The following ABCA13 variants were observed in gnomAD, a reference collection of about 807,000 sequenced individuals.
ABCA13 encodes the protein ATP binding cassette subfamily A member 13, also known as ATP-binding cassette sub-family A member 13.
Under a neutral mutation model 478.7 loss-of-function variants are expected in ABCA13, and 476 were observed. The observed-to-expected ratio is 0.99, with a 90% confidence interval of 0.92 to 1.07. The LOEUF is 1.07. Among genes scored for constraint, ABCA13 ranks in the 50% least tolerant of loss-of-function variants. The probability of loss-of-function intolerance (pLI) is 0.00; values close to 1 mark genes in which losing one functional copy is unlikely to be tolerated. For missense variants in ABCA13, 6,060 were observed against 5,910.6 expected, an observed-to-expected ratio of 1.03 and a Z score of -0.83; for synonymous variants, 2,252 against 2,158.9, an observed-to-expected ratio of 1.04 and a Z score of -1.20.
intron 11 of ABCA13, 115 bp downstream of exon 11, chr7:48,244,818 G>A (rs1018437988): frequency 1.6e-6 from 2 of 1,260,678 alleles, no homozygotes; most frequent in African/African-American, 1.5e-5. Flanking sequence ...TAACTTTGCT[G>A]GTGTCATATG....
At position 48,397,234 on chromosome 7, in the gene ABCA13, T is replaced by A. The variant is rs553175166; in HGVS notation, c.11873+5095T>A. 2.0e-5 allele frequency among the ~76,000 whole-genome samples: 3 copies of A among 152,234 alleles called. No homozygotes were observed. In the South Asian group the frequency reaches 6.2e-4, roughly 32 times the overall value. On this transcript the variant is annotated intron_variant, in intron 38 of 61. Transcript: ENST00000435803. ...TGGAGGACATGAGAATACAGCATAT[T>A]GCTAGTTCCAGAGAAAATGGGGAAG... is the stretch of plus-strand genomic sequence containing the variant.
rs184644711 is a variant in ABCA13, at chr7:48,297,344, A to G, written c.9199+33A>G. The G allele has an allele frequency of 1.2e-5, 18 of 1,545,166 alleles. No homozygotes were observed. The East Asian group carries it at 4.2e-4, about 36-fold the overall frequency. On this transcript the variant is annotated intron_variant, in intron 22 of 61. Coordinates refer to ENST00000435803, the MANE Select transcript of ABCA13 (RefSeq NM_152701.5). ...TGTGGTTTTCCAAGTTTGCTTGATT[A>G]AAAATTAAATTTAGTTTCTCATGCA... is the stretch of plus-strand genomic sequence containing the variant.
chr7:48,536,177 C>T (rs1332482905), intron 55 of ABCA13, among the ~76,000 whole-genome samples: 1 of 152,142 alleles, frequency 6.6e-6, no homozygotes, highest in Non-Finnish European at 1.5e-5. Flanking sequence ...TCTAATTCTC[C>T]TTATTGCTTT....
chr7:48,338,081 A>AT (rs1422258105), intron 28 of ABCA13, among the ~76,000 whole-genome samples: 2 of 152,312 alleles, frequency 1.3e-5, no homozygotes, highest in East Asian at 3.9e-4. Flanking sequence ...TCGTTTGAAA[A>AT]TTTTGCCAAA....
intron 31 of ABCA13, among the ~76,000 whole-genome samples, chr7:48,362,019 T>C (rs994863933): frequency 6.6e-6 from 1 of 152,062 alleles, no homozygotes; most frequent in Non-Finnish European, 1.5e-5. Context: ...AGTCAAAATA[T>C]GATTCTTATT....
chr7:48,289,473 C>T (rs768339124), intron 20 of ABCA13, among the ~76,000 whole-genome samples: 11 of 151,744 alleles, frequency 7.2e-5, no homozygotes, highest in Non-Finnish European at 1.5e-4. Flanking sequence ...ATTCTTCTGC[C>T]TCAGCCTCTT....
chr7:48,633,319 A>T (rs1161896659), intron 59 of ABCA13, among the ~76,000 whole-genome samples: 1 of 152,120 alleles, frequency 6.6e-6, no homozygotes, highest in East Asian at 1.9e-4. Context: ...CCACATAATA[A>T]TACTGGGGGA....
chr7:48,580,161 A>G (rs1585871559), intron 55 of ABCA13, 63 bp from the exon 56 acceptor site: 2 of 1,479,470 alleles, frequency 1.4e-6, no homozygotes, highest in East Asian at 2.4e-5. Context: ...GCCACATTTT[A>G]AAAATGGGTT....
intron 53 of ABCA13, among the ~76,000 whole-genome samples, chr7:48,523,426 G>A (rs1016154499): frequency 4.0e-5 from 6 of 151,490 alleles, no homozygotes; most frequent in Non-Finnish European, 7.4e-5. Context: ...AATTATTATC[G>A]AACATTGCTA....
At position 48,489,296 on chromosome 7, in the gene ABCA13, C is replaced by T. The variant is rs776457404; in HGVS notation, c.13243C>T (p.Leu4415Phe). 1.9e-5 allele frequency: 31 copies of T among 1,612,690 alleles called. No homozygotes were observed. The highest frequency in any genetic ancestry group is 2.6e-5 in the Non-Finnish European group (31 of 1,179,202). ...TTCCTACTTAAATCATCTAAACAAC[C>T]TTATTTTGTGGCAGCACCTACCCCC... ...LPSYLNHLNN[L>F]ILWQHLPPTV... Residue 4415 changes from leucine to phenylalanine, a missense_variant, in exon 48 of 62, where the codon CTT becomes TTT. By Grantham distance (22) the Leu-to-Phe change is conservative. Transcript: ENST00000435803.
chr7:48,275,721 A>G lies in ABCA13; in HGVS notation c.6055A>G (p.Thr2019Ala), dbSNP rs1467869838. 6.2e-7 allele frequency: 1 copy of G among 1,603,362 alleles called. No homozygotes were observed. Among genetic ancestry groups the G allele is most frequent in the African/African-American group, 1.3e-5 (1 of 74,796 alleles). ...ISEDWSLEKS[T>A]HNLLSLFMML... ...TGAAGACTGGAGCCTAGAAAAAAGT[A>G]CGCATAATCTACTCTCTTTATTCAT... Residue 2019 changes from threonine to alanine, a missense_variant, in exon 17 of 62, where the codon ACG (threonine) becomes GCG (alanine). By Grantham distance (58) the Thr-to-Ala change is moderately conservative. Coordinates refer to ENST00000435803, the MANE Select transcript of ABCA13 (RefSeq NM_152701.5).
At chr7:48,495,211 A>G (rs1830172332) in intron 48 of ABCA13, among the ~76,000 whole-genome samples, 1 of 152,228 alleles carries the variant, frequency 6.6e-6, no homozygotes, top group South Asian at 2.1e-4. Context: ...CAAAGCTATG[A>G]GTCAAAGCAC....
At chr7:48,294,034 T>C (rs1242527031) in intron 20 of ABCA13, among the ~76,000 whole-genome samples, 1 of 152,226 alleles carries the variant, frequency 6.6e-6, no homozygotes, top group African/African-American at 2.4e-5. Context: ...CTAATCATTG[T>C]GTTTGTGGCT....
chr7:48,476,023 T>A (rs1436436857), intron 45 of ABCA13, among the ~76,000 whole-genome samples: 1 of 152,218 alleles, frequency 6.6e-6, no homozygotes, highest in African/African-American at 2.4e-5. Flanking sequence ...GGAGGGCATA[T>A]TTGTTTCTTG....
chr7:48,280,887 A>G (rs1318317897), intron 18 of ABCA13, among the ~76,000 whole-genome samples: 1 of 152,112 alleles, frequency 6.6e-6, no homozygotes, highest in Non-Finnish European at 1.5e-5. Flanking sequence ...ATGTCAAACT[A>G]TATTTTGTTT....
chr7:48,454,985 T>A (rs1236376592), intron 42 of ABCA13, 52 bp from the exon 43 acceptor site: 3 of 1,427,912 alleles, frequency 2.1e-6, no homozygotes, highest in African/African-American at 2.9e-5. Context: ...GGCAAAGCGC[T>A]GTCACCTCCG....
At chr7:48,641,102 A>G (rs1437599736) in intron 59 of ABCA13, among the ~76,000 whole-genome samples, 3 of 152,338 alleles carry the variant, frequency 2.0e-5, no homozygotes, top group Admixed American at 6.5e-5. Flanking sequence ...ATATGTGCTT[A>G]TAGAGAATTT....
intron 3 of ABCA13, among the ~76,000 whole-genome samples, chr7:48,214,475 G>A (rs29001683): frequency 0.19 from 28,650 of 152,008 alleles, 3,340 homozygotes; most frequent in East Asian, 0.33. Context: ...TCTCCTCTCC[G>A]GTTAATGAAA....
chr7:48,555,421 C>T (rs1246325633), intron 55 of ABCA13, among the ~76,000 whole-genome samples: 1 of 151,708 alleles, frequency 6.6e-6, no homozygotes, highest in Non-Finnish European at 1.5e-5. Flanking sequence ...ATTTGTTAAA[C>T]ATTTGGTAGA....
Sources: allele counts gnomAD v4.1 joint callset (sites outside exome capture counted in the v4.1 genomes callset), GRCh38; gene constraint gnomAD v4.1.1; transcripts MANE v1.5; gene names NCBI Gene and HGNC (gene_info 2026-07-23, HGNC 2026-07-21).